Variants in AXDND1 observed in about 807,000 individuals in gnomAD.
AXDND1 encodes the protein axonemal dynein light chain domain containing 1, also known as axonemal dynein light chain domain-containing protein 1.
AXDND1 carries 110 observed loss-of-function variants against 137.5 expected under a neutral mutation model. The ratio of observed to expected loss-of-function variants is 0.80; its 90% CI spans 0.69 to 0.94. The LOEUF is 0.94. Ranked by LOEUF, AXDND1 falls within the 40% of genes least tolerant of loss-of-function variation. AXDND1 has a pLI of 0.00. For missense variants in AXDND1, 1,191 were observed against 1,169.8 expected, an observed-to-expected ratio of 1.02 and a Z score of -0.26; for synonymous variants, 414 against 399.7, an observed-to-expected ratio of 1.04 and a Z score of -0.43.
chr1:179,461,700 G>A (rs192604452), intron 16 of AXDND1, among the ~76,000 whole-genome samples: 6 of 152,154 alleles, frequency 3.9e-5, no homozygotes, highest in East Asian at 3.9e-4. Flanking sequence ...GTGTTCTGCC[G>A]TTTGTCTGTG....
chr1:179,553,115 G>A (rs369022755), intron 25 of AXDND1, among the ~76,000 whole-genome samples: 11 of 152,164 alleles, frequency 7.2e-5, no homozygotes, highest in East Asian at 1.9e-4. Flanking sequence ...TAAGAACAAC[G>A]CTTAATGTAT....
chr1:179,509,422 C>T lies in AXDND1; in HGVS notation c.2496+19C>T, dbSNP rs375349454. The stretch of plus-strand genomic sequence containing the variant: ...TGAAGAGGTATTTGCCACATGTTAG[C>T]GTTGGTCATTATTCAGATTATTCCT... On this transcript the variant is annotated intron_variant, in intron 21 of 25. Coordinates refer to ENST00000367618, the MANE Select transcript of AXDND1 (RefSeq NM_144696.6). The T allele has an allele frequency of 1.9e-5, 27 of 1,450,586 alleles. No homozygotes were observed. The highest frequency in any genetic ancestry group is 1.7e-4 in the South Asian group (15 of 86,344). The allele number at this position is 1,450,586 out of a possible 1,614,324, so 89.9% of individuals were successfully genotyped here.
intron 17 of AXDND1, among the ~76,000 whole-genome samples, chr1:179,481,609 A>G (rs1665393249): frequency 6.6e-6 from 1 of 152,144 alleles, no homozygotes; most frequent in East Asian, 1.9e-4. Flanking sequence ...CAACAGTGTA[A>G]AAGTGTTCCT....
At chr1:179,491,238 G>A (rs532678570) in intron 18 of AXDND1, among the ~76,000 whole-genome samples, 3 of 152,064 alleles carry the variant, frequency 2.0e-5, no homozygotes, top group African/African-American at 4.8e-5. Flanking sequence ...CTGAGCCTGG[G>A]GAGGTCAAGG....
At chr1:179,389,265 G>T (rs764572946) in intron 9 of AXDND1, among the ~76,000 whole-genome samples, 3 of 152,132 alleles carry the variant, frequency 2.0e-5, no homozygotes, top group Non-Finnish European at 4.4e-5. Context: ...GAGCCACCAT[G>T]CCCAGCCCAT....
Position 179,468,524 on chromosome 1 carries a change from C to T in AXDND1, c.1880C>T (p.Thr627Met), listed in dbSNP as rs41267592. 1.7e-3 allele frequency: 2,713 copies of T among 1,612,554 alleles called. 3 individuals are homozygous for T. Among genetic ancestry groups the T allele is most frequent in the East Asian group, 4.9e-3 (219 of 44,784 alleles). The change falls in exon 17 of 26, where the codon ACG becomes ATG. Residue 627 changes from threonine (T) to methionine (M), a missense_variant. Coordinates refer to ENST00000367618, the MANE Select transcript of AXDND1 (RefSeq NM_144696.6). ...TTGGAAAACCTGGAGTTTCCTGATA[C>T]GCCTCTTGAAGAATGGCAGGAAATA... ...FKLENLEFPDTPLEEWQEIDE... is the reference protein window; with the variant it reads ...FKLENLEFPDMPLEEWQEIDE...
At chr1:179,437,615 A>G (rs1658354845) in intron 15 of AXDND1, among the ~76,000 whole-genome samples, 1 of 152,198 alleles carries the variant, frequency 6.6e-6, no homozygotes, top group East Asian at 1.9e-4. Flanking sequence ...ATGTAAGGCC[A>G]GGCTGGGCAG....
chr1:179,534,013 A>G lies in AXDND1; in HGVS notation c.2798+136A>G, dbSNP rs1671279570. ...ACATTAGGGGGATGTGTATCTCCAC[A>G]TGTTCTGCTAGAGGCAGTAAACTAC... On this transcript the variant is annotated intron_variant, in intron 24 of 25. Coordinates refer to ENST00000367618, the MANE Select transcript of AXDND1 (RefSeq NM_144696.6). The G allele has an allele frequency of 6.1e-6, 4 of 659,586 alleles. No individual in the cohort carries two copies. The Admixed American group carries it at 9.3e-5, about 15-fold the overall frequency. The allele number at this position is 659,586 out of a possible 1,614,324, so 40.9% of individuals were successfully genotyped here.
chr1:179,541,492 T>C (rs72704477), intron 25 of AXDND1, among the ~76,000 whole-genome samples: 48,284 of 151,750 alleles, frequency 0.32, 8,361 homozygotes, highest in Middle Eastern at 0.43. Flanking sequence ...TTTTTTTTTT[T>C]TTTAATAAAA....
intron 16 of AXDND1, among the ~76,000 whole-genome samples, chr1:179,466,851 G>T (rs532091489): frequency 6.6e-6 from 1 of 152,092 alleles, no homozygotes; most frequent in Non-Finnish European, 1.5e-5. Flanking sequence ...AGGTCATTTA[G>T]TGCAGGCACG....
Position 179,533,925 on chromosome 1 carries a change from G to C in AXDND1, c.2798+48G>C, listed in dbSNP as rs781542677. ...GTAAGAGGATGAAAATGGCTGGCCA[G>C]AAGGTTTGACTGAGAAATTCACACT... On this transcript the variant is annotated intron_variant, in intron 24 of 25. Transcript: ENST00000367618. 1.2e-5 allele frequency: 18 copies of C among 1,546,266 alleles called. No individual in the cohort carries two copies. In the Admixed American group the frequency reaches 3.0e-4, roughly 26 times the overall value.
At chr1:179,473,059 A>G (rs1340594258) in intron 17 of AXDND1, among the ~76,000 whole-genome samples, 1 of 151,670 alleles carries the variant, frequency 6.6e-6, no homozygotes, top group African/African-American at 2.4e-5. Context: ...GTTTTGTTTC[A>G]TGACTTTTTT....
chr1:179,379,551 T>G, intron 6 of AXDND1, 69 bp downstream of exon 6: 1 of 1,565,964 alleles, frequency 6.4e-7, no homozygotes, highest in Non-Finnish European at 8.7e-7. Context: ...CCCAGCACTT[T>G]GCGAGGCCAA....
At chr1:179,436,629 G>A (rs2125332354) in intron 15 of AXDND1, among the ~76,000 whole-genome samples, 1 of 152,268 alleles carries the variant, frequency 6.6e-6, no homozygotes, top group South Asian at 2.1e-4. Flanking sequence ...TCATAACTGG[G>A]AGTTGAACAA....
chr1:179,506,746 A>G, intron 20 of AXDND1: 1 of 517,822 alleles, frequency 1.9e-6, no homozygotes, highest in Non-Finnish European at 2.5e-6. Context: ...ACAAAACAAA[A>G]CTTCCTCTAT....
At chr1:179,409,346 T>C (rs1385302024) in intron 11 of AXDND1, among the ~76,000 whole-genome samples, 1 of 152,174 alleles carries the variant, frequency 6.6e-6, no homozygotes, top group Non-Finnish European at 1.5e-5. Flanking sequence ...AGGAGTTTTT[T>C]GGTGCCACTT....
At chr1:179,479,198 C>T (rs1452927782) in intron 17 of AXDND1, among the ~76,000 whole-genome samples, 3 of 151,362 alleles carry the variant, frequency 2.0e-5, no homozygotes, top group African/African-American at 7.3e-5. Flanking sequence ...TTCCACTGGC[C>T]GGGTGCAGTG....
At chr1:179,421,328 T>G (rs992996026) in intron 12 of AXDND1, among the ~76,000 whole-genome samples, 1 of 146,752 alleles carries the variant, frequency 6.8e-6, no homozygotes, top group African/African-American at 2.7e-5. Flanking sequence ...ATGGTTTCCT[T>G]CCTTCCTTTC....
At position 179,411,079 on chromosome 1, in the gene AXDND1, T is replaced by A. The variant is rs188752602; in HGVS notation, c.1110-67T>A. ...CCTATTTTAAAACAAATTTCTTTTT[T>A]AAAAAATATATGTGTCTATATTGTT... On this transcript the variant is annotated intron_variant, in intron 11 of 25. Transcript: ENST00000367618. 363 of 1,294,654 alleles carry A rather than the reference T, an allele frequency of 2.8e-4. 1 individual carries two copies. The highest frequency in any genetic ancestry group is 3.4e-4 in the Non-Finnish European group (322 of 957,606). 80.2% of individuals were successfully genotyped at this position (1,294,654 alleles called of 1,614,324 possible).
Sources: gnomAD v4.1 joint callset for allele counts (sites outside exome capture counted in the v4.1 genomes callset) on GRCh38, gnomAD v4.1.1 for gene constraint, MANE v1.5 for transcripts, NCBI Gene and HGNC (gene_info 2026-07-23, HGNC 2026-07-21) for gene names.